The following AKR1C3 variants were observed in gnomAD, a reference collection of about 807,000 sequenced individuals.
AKR1C3 encodes 3-alpha hydroxysteroid dehydrogenase, type II.
A neutral mutation model predicts 43.6 loss-of-function variants in AKR1C3; 48 were observed. The ratio of observed to expected loss-of-function variants is 1.10; its 90% CI spans 0.87 to 1.40. The LOEUF (loss-of-function observed/expected upper bound fraction) is 1.40, where lower values mean the gene tolerates loss of function less well. AKR1C3 is among the 40% of genes most tolerant of loss of function. The pLI is 0.00. For missense variants in AKR1C3, 482 were observed against 391.2 expected (o/e 1.23, Z -1.96); for synonymous variants, 162 against 139.6 (o/e 1.16, Z -1.13).
chr10:5,075,494 C>T (rs1429617032), intron 1 of AKR1C3, among the ~76,000 whole-genome samples: 3 of 151,732 alleles, frequency 2.0e-5, no homozygotes, highest in Admixed American at 6.6e-5. Flanking sequence ...AACACCCTGT[C>T]GGACCATAAA....
chr10:5,083,112 C>T (rs938797732), intron 1 of AKR1C3, among the ~76,000 whole-genome samples: 1 of 151,614 alleles, frequency 6.6e-6, no homozygotes, highest in Non-Finnish European at 1.5e-5. Context: ...TTTTAGGGTA[C>T]ATGTGCACAA....
chr10:5,089,346 TCTTA>T (rs150788679), intron 1 of AKR1C3, among the ~76,000 whole-genome samples: 9,646 of 152,236 alleles, frequency 0.063, 349 homozygotes, highest in Middle Eastern at 0.085. Flanking sequence ...TTTTCAAACT[TCTTA>T]CTTCTCTTCA....
chr10:5,090,772 C>T (rs1839071948), upstream of AKR1C3, among the ~76,000 whole-genome samples: 1 of 151,952 alleles, frequency 6.6e-6, no homozygotes, highest in Non-Finnish European at 1.5e-5. Context: ...TTTCCCAGGC[C>T]CCTACATGGT....
chr10:5,092,610 C>T (rs777860101), upstream of AKR1C3, among the ~76,000 whole-genome samples: 2 of 151,546 alleles, frequency 1.3e-5, no homozygotes, highest in Non-Finnish European at 2.9e-5. Flanking sequence ...TCAGTTATAT[C>T]GTTCAGCTCC....
chr10:5,103,862 ATGTGAGTGT>A lies in AKR1C3; in HGVS notation c.846+1215_846+1223del, dbSNP rs587695423. Among the ~76,000 whole-genome samples the A allele has an allele frequency of 1.5e-3, 233 of 152,348 alleles. 2 individuals carry two copies. Among genetic ancestry groups the A allele is most frequent in the Admixed American group, 3.2e-3 (49 of 15,306 alleles). ...TAACCAAGCAAGTGGATACAGGGAC[ATGTGAGTGT>A]TGGAGGAAGTGTTTCTTATTAATCT... On this transcript the variant is annotated intron_variant, in intron 7 of 8. Transcript: ENST00000380554.
At chr10:5,074,806 C>G (rs1233098453) in intron 1 of AKR1C3, among the ~76,000 whole-genome samples, 1 of 152,146 alleles carries the variant, frequency 6.6e-6, no homozygotes, top group African/African-American at 2.4e-5. Context: ...GATACAAATC[C>G]ATAGCTTATC....
At chr10:5,071,818 C>T (rs1236353493) in intron 1 of AKR1C3, among the ~76,000 whole-genome samples, 1 of 152,212 alleles carries the variant, frequency 6.6e-6, no homozygotes, top group African/African-American at 2.4e-5. Context: ...GCCCAAGCAG[C>T]CCCTTCCTAC....
In AKR1C3 at chr10:5,102,114, C is replaced by G; in HGVS notation, c.584C>G (p.Pro195Arg). 4 of 1,611,674 alleles carry G rather than the reference C, an allele frequency of 2.5e-6. No homozygotes were observed. Among genetic ancestry groups the G allele is most frequent in the Non-Finnish European group, 3.4e-6 (4 of 1,177,994 alleles). ...GGTCAACTGCAGGTAGAATGTCATC[C>G]GTATTTCAACCGGAGTAAATTGCTA... is the stretch of plus-strand genomic sequence containing the variant. ...KPVCNQVECHPYFNRSKLLDF... is the reference protein window; with the variant it reads ...KPVCNQVECHRYFNRSKLLDF... Residue 195 changes from proline to arginine, a missense_variant, in exon 6 of 9, where the codon CCG becomes CGG. Coordinates refer to ENST00000380554, the MANE Select transcript of AKR1C3 (RefSeq NM_003739.6).
chr10:5,072,932 C>A (rs559440983), intron 1 of AKR1C3, among the ~76,000 whole-genome samples: 18 of 152,198 alleles, frequency 1.2e-4, no homozygotes, highest in African/African-American at 4.3e-4. Flanking sequence ...ATGCACATTG[C>A]AGCCTGGTTT....
At chr10:5,068,140 T>A (rs1838545958) in intron 1 of AKR1C3, among the ~76,000 whole-genome samples, 2 of 152,064 alleles carry the variant, frequency 1.3e-5, no homozygotes, top group South Asian at 4.1e-4. Context: ...TACAAGAAAA[T>A]TTGGTTATTT....
intron 1 of AKR1C3, among the ~76,000 whole-genome samples, chr10:5,086,939 C>T (rs1476354867): frequency 3.3e-5 from 5 of 152,120 alleles, no homozygotes; most frequent in East Asian, 1.9e-4. Context: ...ATAGATCTTC[C>T]TCCATCCCTT....
intron 2 of AKR1C3, 148 bp downstream of exon 2, chr10:5,096,725 C>A (rs1452849178): frequency 1.1e-5 from 15 of 1,345,748 alleles, no homozygotes; most frequent in Non-Finnish European, 9.8e-6. Flanking sequence ...AAACTGAAAT[C>A]AAAATCAAGG....
In AKR1C3 at chr10:5,074,480, G is replaced by A. The variant is rs1554781625; in HGVS notation, c.85-21930G>A. On this transcript the variant is annotated intron_variant, in intron 1 of 8. Transcript: ENST00000439082. ...GCTTGGATGCAGCCAGGCTTTCTCT[G>A]AGGCTTTCCCTTTGACTTAGGAAAG... is the stretch of plus-strand genomic sequence containing the variant. Among the ~76,000 whole-genome samples the A allele has an allele frequency of 2.6e-5, 4 of 152,290 alleles. No individual in the cohort carries two copies. The South Asian group carries it at 6.2e-4, about 24-fold the overall frequency.
At chr10:5,052,020 A>G (rs1359696487) in intron 1 of AKR1C3, among the ~76,000 whole-genome samples, 1 of 152,204 alleles carries the variant, frequency 6.6e-6, no homozygotes, top group Non-Finnish European at 1.5e-5. Flanking sequence ...ACTGACTTCA[A>G]GAATGAAGCC....
intron 1 of AKR1C3, among the ~76,000 whole-genome samples, chr10:5,086,413 T>C (rs1302744696): frequency 6.6e-6 from 1 of 151,658 alleles, no homozygotes; most frequent in African/African-American, 2.4e-5. Flanking sequence ...TCCTGAGTTC[T>C]AGTTTGATTG....
chr10:5,050,927 T>A lies in AKR1C3; in HGVS notation c.84+2032T>A, dbSNP rs575959995. Among the ~76,000 whole-genome samples the A allele has an allele frequency of 2.0e-3, 300 of 152,274 alleles. 2 individuals carry two copies. Among genetic ancestry groups the A allele is most frequent in the African/African-American group, 6.4e-3 (264 of 41,536 alleles). On this transcript the variant is annotated intron_variant, in intron 1 of 8. Coordinates refer to the AKR1C3 transcript ENST00000439082. Reference sequence around the variant, plus strand: ...ACCAGTAGCCATTCACACTCAAAATTATTTATTAGTGATGAGCGTATAACT... The same window carrying A: ...ACCAGTAGCCATTCACACTCAAAATAATTTATTAGTGATGAGCGTATAACT...
At chr10:5,096,665 G>C in intron 2 of AKR1C3, 88 bp downstream of exon 2, 2 of 1,454,914 alleles carry the variant, frequency 1.4e-6, no homozygotes, top group Non-Finnish European at 1.8e-6. Flanking sequence ...AGTAGTTGTG[G>C]GTGAATTTTG....
chr10:5,053,088 T>C (rs1287197260), intron 1 of AKR1C3, among the ~76,000 whole-genome samples: 2 of 152,074 alleles, frequency 1.3e-5, no homozygotes, highest in African/African-American at 2.4e-5. Flanking sequence ...CTTCACCCAG[T>C]GGATCCCATG....
intron 1 of AKR1C3, among the ~76,000 whole-genome samples, chr10:5,083,556 A>G (rs1398326018): frequency 6.6e-6 from 1 of 152,180 alleles, no homozygotes; most frequent in Non-Finnish European, 1.5e-5. Flanking sequence ...ATGTGTCTTT[A>G]TAGCAGCATG....
Sources: allele counts gnomAD v4.1 joint callset (sites outside exome capture counted in the v4.1 genomes callset), GRCh38; gene constraint gnomAD v4.1.1; transcripts MANE v1.5; gene names NCBI Gene and HGNC (gene_info 2026-07-23, HGNC 2026-07-21).